Variants in PCNX1 observed in about 807,000 individuals in gnomAD.
PCNX1 encodes pecanex 1, also known as pecanex-like protein 1.
PCNX1 carries 78 observed loss-of-function variants against 242.2 expected under a neutral mutation model. That is an observed-to-expected ratio of 0.32 (90% CI 0.27 to 0.39). The LOEUF is 0.39. Ranked by LOEUF, PCNX1 falls within the 10% of genes least tolerant of loss-of-function variation. The probability of loss-of-function intolerance (pLI) is 1.00; values close to 1 mark genes in which losing one functional copy is unlikely to be tolerated. For synonymous variants in PCNX1, 1,024 were observed against 1,032.9 expected (o/e 0.99, Z 0.17); for missense variants, 2,581 against 2,856.5 (o/e 0.90, Z 2.20).
chr14:71,083,750 G>C (rs2061914814), intron 28 of PCNX1, among the ~76,000 whole-genome samples: 1 of 151,948 alleles, frequency 6.6e-6, no homozygotes, highest in African/African-American at 2.4e-5. Flanking sequence ...CAATTCCTCT[G>C]ACCTTTTTTC....
chr14:70,914,592 T>C (rs1439839554), intron 1 of PCNX1, among the ~76,000 whole-genome samples: 1 of 152,216 alleles, frequency 6.6e-6, no homozygotes, highest in Non-Finnish European at 1.5e-5. Context: ...CTGACTTTAC[T>C]GAGAGTTAAA....
At chr14:70,928,040 GTTTGACTCTTCC>G (rs1437684924) in intron 1 of PCNX1, among the ~76,000 whole-genome samples, 1 of 151,890 alleles carries the variant, frequency 6.6e-6, no homozygotes, top group African/African-American at 2.4e-5. Context: ...AATTCTCATA[GTTTGACTCTTCC>G]TTTGACCTAA....
At chr14:70,989,733 T>C (rs2059107341) in intron 7 of PCNX1, among the ~76,000 whole-genome samples, 1 of 152,018 alleles carries the variant, frequency 6.6e-6, no homozygotes, top group Admixed American at 6.5e-5. Flanking sequence ...TTTTTTGCCT[T>C]GTTGGCCAGG....
chr14:70,919,586 AGTTGATTGCT>A (rs1438578682), intron 1 of PCNX1, among the ~76,000 whole-genome samples: 1 of 151,698 alleles, frequency 6.6e-6, no homozygotes, highest in Non-Finnish European at 1.5e-5. Flanking sequence ...CGTTCTATAG[AGTTGATTGCT>A]GTTGACTTCT....
chr14:71,044,059 G>C (rs1041797683), intron 19 of PCNX1, among the ~76,000 whole-genome samples: 1 of 152,224 alleles, frequency 6.6e-6, no homozygotes, highest in Non-Finnish European at 1.5e-5. Context: ...GTGCACGGTA[G>C]TGTACTCTCC....
chr14:71,067,976 G>GA (rs201050202), intron 26 of PCNX1, among the ~76,000 whole-genome samples: 1 of 152,058 alleles, frequency 6.6e-6, no homozygotes, highest in South Asian at 2.1e-4. Flanking sequence ...AGCACATGGA[G>GA]AAAAAAGCTA....
At chr14:70,923,170 G>C (rs1007235470) in intron 1 of PCNX1, among the ~76,000 whole-genome samples, 4 of 151,856 alleles carry the variant, frequency 2.6e-5, no homozygotes, top group African/African-American at 9.7e-5. Flanking sequence ...GTTTTTCTGT[G>C]ATTTGTGAGA....
chr14:70,983,326 A>G (rs2058898114), intron 6 of PCNX1, among the ~76,000 whole-genome samples: 1 of 151,768 alleles, frequency 6.6e-6, no homozygotes, highest in African/African-American at 2.4e-5. Context: ...TTTTCTTGGG[A>G]CGGAGTCTCA....
intron 1 of PCNX1, among the ~76,000 whole-genome samples, chr14:70,941,646 T>C (rs2057249842): frequency 6.6e-6 from 1 of 152,326 alleles, no homozygotes; most frequent in Admixed American, 6.5e-5. Flanking sequence ...GAACCACTAC[T>C]CTCTTCAAAG....
intron 2 of PCNX1, 100 bp downstream of exon 2, chr14:70,947,223 T>G: frequency 4.5e-6 from 4 of 896,748 alleles, no homozygotes; most frequent in Non-Finnish European, 5.3e-6. Context: ...TTATATGGTT[T>G]TAAGGCAGTG....
chr14:71,100,975 G>A (rs937719136), intron 30 of PCNX1, among the ~76,000 whole-genome samples: 1 of 152,100 alleles, frequency 6.6e-6, no homozygotes, highest in Non-Finnish European at 1.5e-5. Context: ...CAAGATTGTT[G>A]TAAAATTCCA....
intron 2 of PCNX1, among the ~76,000 whole-genome samples, chr14:70,948,715 A>G (rs954510710): frequency 6.7e-6 from 1 of 149,626 alleles, no homozygotes; most frequent in East Asian, 2.0e-4. Context: ...ACACATACAC[A>G]TAAGTGTATA....
At chr14:71,006,177 G>A (rs1168448480) in intron 8 of PCNX1, among the ~76,000 whole-genome samples, 2 of 141,038 alleles carry the variant, frequency 1.4e-5, no homozygotes, top group African/African-American at 5.2e-5. Flanking sequence ...GTGTAGAGAT[G>A]AGGTCTCACT....
In PCNX1 at chr14:71,108,599, C is replaced by A. The variant is rs1395328186; in HGVS notation, c.6302-5C>A. 3 of 1,598,468 alleles carry A rather than the reference C, an allele frequency of 1.9e-6. No homozygotes were observed. Among genetic ancestry groups the A allele is most frequent in the Non-Finnish European group, 2.6e-6 (3 of 1,169,398 alleles). ...TTGAGTGAGTGCTGCTGTTTCTCCT[C>A]CTAGGCACTAGCCACAGCTCTCACT... is the stretch of plus-strand genomic sequence containing the variant. On this transcript the variant is annotated splice_polypyrimidine_tract_variant and splice_region_variant and intron_variant, in intron 33 of 35. Coordinates refer to ENST00000304743, the MANE Select transcript of PCNX1 (RefSeq NM_014982.3).
At chr14:70,924,679 C>T (rs2056517406) in intron 1 of PCNX1, among the ~76,000 whole-genome samples, 2 of 152,164 alleles carry the variant, frequency 1.3e-5, no homozygotes. Flanking sequence ...CTCCACTTCT[C>T]TGGGCTCAGG....
At chr14:71,002,251 C>CA (rs771446128) in intron 8 of PCNX1, among the ~76,000 whole-genome samples, 13 of 152,102 alleles carry the variant, frequency 8.5e-5, no homozygotes, top group Non-Finnish European at 1.6e-4. Context: ...CGGCAAATAC[C>CA]AATGTAATTC....
Position 71,110,934 on chromosome 14 carries a change from ATT to A in PCNX1, c.*1001_*1002del, listed in dbSNP as rs1232084742. The A allele has an allele frequency of 6.6e-6, 1 of 152,646 alleles. No individual in the cohort carries two copies. Among genetic ancestry groups the A allele is most frequent in the Non-Finnish European group, 1.5e-5 (1 of 68,030 alleles). The allele number at this position is 152,646 out of a possible 1,614,324, so 9.5% of individuals were successfully genotyped here. On this transcript the variant is annotated 3_prime_UTR_variant, in exon 36 of 36. Transcript: ENST00000304743. ...TTAAAGAAAGGATCGATTGCCTTTT[ATT>A]TATGAGTTTCTAGCTCTTGAAGTTA... is the stretch of plus-strand genomic sequence containing the variant.
intron 13 of PCNX1, among the ~76,000 whole-genome samples, chr14:71,023,589 A>C (rs1455305616): frequency 6.6e-6 from 1 of 152,110 alleles, no homozygotes; most frequent in Non-Finnish European, 1.5e-5. Flanking sequence ...TAGAATTTTG[A>C]AGTAGGAAAA....
Position 70,976,928 on chromosome 14 carries a change from T to C in PCNX1, c.605-14T>C, listed in dbSNP as rs750763889. ...ACATTTATTTTAACATTTCAAAATA[T>C]GTGTTTGAAACAGATTTGGCAGCTG... On this transcript the variant is annotated splice_polypyrimidine_tract_variant and intron_variant, in intron 5 of 35. Transcript: ENST00000304743. The C allele has an allele frequency of 7.5e-6, 12 of 1,597,990 alleles. No individual in the cohort carries two copies. The Admixed American group carries it at 1.0e-4, about 14-fold the overall frequency.
Sources: allele counts gnomAD v4.1 joint callset (sites outside exome capture counted in the v4.1 genomes callset), GRCh38; gene constraint gnomAD v4.1.1; transcripts MANE v1.5; gene names NCBI Gene and HGNC (gene_info 2026-07-23, HGNC 2026-07-21).